The following SSBP2 variants were observed in gnomAD, a reference collection of about 807,000 sequenced individuals.
SSBP2 encodes the protein single-stranded DNA-binding protein 2.
In SSBP2, 17 loss-of-function variants were observed where a neutral mutation model predicts 61.8. The observed-to-expected ratio is 0.28, with a 90% CI of 0.19 to 0.41. The LOEUF (loss-of-function observed/expected upper bound fraction) is 0.41. SSBP2 is among the 10% of genes least tolerant of loss of function. SSBP2 has a pLI of 1.00. For missense variants in SSBP2, 310 were observed against 458.7 expected (o/e 0.68, Z 2.96); for synonymous variants, 139 against 141.3 (o/e 0.98, Z 0.12).
intron 15 of SSBP2, among the ~76,000 whole-genome samples, chr5:81,435,537 A>C (rs1438117477): frequency 6.6e-6 from 1 of 152,224 alleles, no homozygotes. Context: ...GGTATGGTGG[A>C]AAAACTTGTA....
intron 4 of SSBP2, among the ~76,000 whole-genome samples, chr5:81,555,261 G>A (rs893680532): frequency 6.6e-6 from 1 of 151,696 alleles, no homozygotes; most frequent in African/African-American, 2.4e-5. Context: ...ACAAAACTAA[G>A]AACATCTGTA....
At chr5:81,687,670 T>G (rs560582249) in intron 1 of SSBP2, among the ~76,000 whole-genome samples, 1 of 152,204 alleles carries the variant, frequency 6.6e-6, no homozygotes, top group South Asian at 2.1e-4. Flanking sequence ...TCGGTCACAG[T>G]AGGATAGGGC....
chr5:81,432,517 C>T (rs1430309315), intron 15 of SSBP2, among the ~76,000 whole-genome samples: 1 of 152,160 alleles, frequency 6.6e-6, no homozygotes, highest in Non-Finnish European at 1.5e-5. Flanking sequence ...AAGGCACAGC[C>T]AGGCAGATCA....
intron 4 of SSBP2, among the ~76,000 whole-genome samples, chr5:81,612,992 A>T (rs1421597800): frequency 6.6e-6 from 1 of 152,080 alleles, no homozygotes; most frequent in Non-Finnish European, 1.5e-5. Flanking sequence ...AATTTAGGAA[A>T]TCCTATTCAT....
At chr5:81,598,619 G>A (rs781026614) in intron 4 of SSBP2, among the ~76,000 whole-genome samples, 2 of 152,102 alleles carry the variant, frequency 1.3e-5, no homozygotes, top group Non-Finnish European at 1.5e-5. Context: ...TGATACTGGA[G>A]TGGATTTTTA....
intron 4 of SSBP2, among the ~76,000 whole-genome samples, chr5:81,613,162 C>A (rs151264686): frequency 2.6e-5 from 4 of 152,044 alleles, no homozygotes; most frequent in Non-Finnish European, 5.9e-5. Flanking sequence ...ATAAAAATGG[C>A]ATCCAAGAAT....
chr5:81,444,314 C>G (rs1763231659), intron 12 of SSBP2, among the ~76,000 whole-genome samples: 1 of 152,104 alleles, frequency 6.6e-6, no homozygotes, highest in South Asian at 2.1e-4. Flanking sequence ...TGATTTTGTT[C>G]TTTCTTCCTC....
At chr5:81,474,277 T>C (rs1204839949) in intron 7 of SSBP2, among the ~76,000 whole-genome samples, 2 of 152,220 alleles carry the variant, frequency 1.3e-5, no homozygotes, top group Admixed American at 6.5e-5. Flanking sequence ...TATGGATTTT[T>C]GGATCCTCAT....
chr5:81,626,709 C>T (rs1291662365), intron 3 of SSBP2, among the ~76,000 whole-genome samples: 1 of 152,088 alleles, frequency 6.6e-6, no homozygotes, highest in Non-Finnish European at 1.5e-5. Flanking sequence ...CATGCAGCTG[C>T]CAGGGATCCG....
At chr5:81,631,785 A>C (rs1369115494) in intron 3 of SSBP2, among the ~76,000 whole-genome samples, 1 of 152,208 alleles carries the variant, frequency 6.6e-6, no homozygotes, top group Non-Finnish European at 1.5e-5. Context: ...TGCAGAGGAA[A>C]AAGAAAAGCT....
At chr5:81,605,355 T>C (rs1428108604) in intron 4 of SSBP2, among the ~76,000 whole-genome samples, 12 of 152,116 alleles carry the variant, frequency 7.9e-5, no homozygotes, top group Admixed American at 7.9e-4. Flanking sequence ...TACAAAAAAA[T>C]TAAAAGGGCT....
chr5:81,704,269 T>C (rs551527019), intron 1 of SSBP2, among the ~76,000 whole-genome samples: 96 of 152,146 alleles, frequency 6.3e-4, no homozygotes, highest in Non-Finnish European at 1.2e-3. Context: ...ATATAAAAAC[T>C]CTAATCTCAC....
chr5:81,493,004 C>A (rs1048015257), intron 5 of SSBP2, among the ~76,000 whole-genome samples: 1 of 151,818 alleles, frequency 6.6e-6, no homozygotes, highest in Non-Finnish European at 1.5e-5. Context: ...AAGGCACAAA[C>A]CATTTTCATC....
chr5:81,714,370 T>C (rs1457866448), intron 1 of SSBP2, among the ~76,000 whole-genome samples: 1 of 152,228 alleles, frequency 6.6e-6, no homozygotes, highest in Non-Finnish European at 1.5e-5. Flanking sequence ...TAAACATACA[T>C]GTGCATGTGC....
chr5:81,648,782 C>T (rs1439303677), intron 2 of SSBP2, among the ~76,000 whole-genome samples: 1 of 151,742 alleles, frequency 6.6e-6, no homozygotes, highest in Non-Finnish European at 1.5e-5. Flanking sequence ...AATGTGTTAT[C>T]TAATTTAAAA....
intron 1 of SSBP2, among the ~76,000 whole-genome samples, chr5:81,707,738 G>C (rs888516336): frequency 6.6e-5 from 10 of 152,294 alleles, no homozygotes; most frequent in African/African-American, 2.2e-4. Flanking sequence ...AAATTCAGGA[G>C]TCCTAGATTC....
intron 1 of SSBP2, among the ~76,000 whole-genome samples, chr5:81,670,358 T>C (rs1751502149): frequency 6.6e-6 from 1 of 152,184 alleles, no homozygotes; most frequent in Admixed American, 6.5e-5. Flanking sequence ...CAATGGGTAA[T>C]GAAGCTTCCT....
intron 2 of SSBP2, among the ~76,000 whole-genome samples, chr5:81,641,841 A>G (rs1174666579): frequency 6.6e-6 from 1 of 152,200 alleles, no homozygotes; most frequent in Non-Finnish European, 1.5e-5. Flanking sequence ...GCTACCTGGA[A>G]AGAGAATCAT....
At chr5:81,628,855 C>T (rs1220188459) in intron 3 of SSBP2, among the ~76,000 whole-genome samples, 6 of 152,190 alleles carry the variant, frequency 3.9e-5, no homozygotes, top group East Asian at 1.9e-4. Context: ...CCTCTCATCT[C>T]GCTGGCACTT....
Sources: allele counts gnomAD v4.1 joint callset (sites outside exome capture counted in the v4.1 genomes callset), GRCh38; gene constraint gnomAD v4.1.1; transcripts MANE v1.5; gene names NCBI Gene and HGNC (gene_info 2026-07-23, HGNC 2026-07-21).